Variants in CNTNAP2 observed in about 807,000 individuals in gnomAD.
CNTNAP2 encodes the protein contactin-associated protein-like 2.
CNTNAP2 carries 98 observed loss-of-function variants against 155.2 expected under a neutral mutation model. The ratio of observed to expected loss-of-function variants is 0.63; its 90% CI spans 0.54 to 0.75. CNTNAP2 has a LOEUF of 0.75. Among genes scored for constraint, CNTNAP2 ranks in the 30% least tolerant of loss-of-function variants. The probability of loss-of-function intolerance (pLI) is 0.00; values close to 1 mark genes in which losing one functional copy is unlikely to be tolerated. For synonymous variants in CNTNAP2, 651 were observed against 631.2 expected (o/e 1.03, Z -0.47); for missense variants, 1,727 against 1,688.1 (o/e 1.02, Z -0.40).
At chr7:146,698,736 C>G (rs1800825845) in intron 1 of CNTNAP2, among the ~76,000 whole-genome samples, 1 of 152,044 alleles carries the variant, frequency 6.6e-6, no homozygotes, top group Non-Finnish European at 1.5e-5. Flanking sequence ...TTCTCTCTCT[C>G]CTCCATATAT....
At chr7:146,462,194 C>T (rs1278650557) in intron 1 of CNTNAP2, among the ~76,000 whole-genome samples, 1 of 152,132 alleles carries the variant, frequency 6.6e-6, no homozygotes. Flanking sequence ...ATTAATACTT[C>T]TTGGTGTGTA....
intron 13 of CNTNAP2, among the ~76,000 whole-genome samples, chr7:147,772,145 G>A (rs1314761498): frequency 4.6e-5 from 7 of 151,684 alleles, no homozygotes; most frequent in Admixed American, 4.6e-4. Context: ...CTTGTAATTG[G>A]CCAGGCATGG....
At chr7:146,225,359 A>G (rs1799276846) in intron 1 of CNTNAP2, among the ~76,000 whole-genome samples, 1 of 152,206 alleles carries the variant, frequency 6.6e-6, no homozygotes, top group Non-Finnish European at 1.5e-5. Flanking sequence ...AGAATTTTTT[A>G]AACTGACAGG....
chr7:146,919,077 C>T (rs1365783668), intron 3 of CNTNAP2, among the ~76,000 whole-genome samples: 1 of 152,068 alleles, frequency 6.6e-6, no homozygotes, highest in Non-Finnish European at 1.5e-5. Flanking sequence ...GGAGAGTTTT[C>T]CATTAATATC....
rs1554435245 is a variant in CNTNAP2, at chr7:147,083,587, T to TATACACATATATATGTATATATATAC, written c.551-24559_551-24558insTACACATATATATGTATATATATACA. ...ATACACATATATATGTATATATATATACACACACACGTCTATAATGCTATA... is the reference window on the plus strand; with the variant it reads ...ATACACATATATATGTATATATATATATACACATATATATGTATATATATACACACACACACGTCTATAATGCTATA... On this transcript the variant is annotated intron_variant, in intron 4 of 23. Coordinates refer to ENST00000361727, the MANE Select transcript of CNTNAP2 (RefSeq NM_014141.6). 7.3e-4 allele frequency among the ~76,000 whole-genome samples: 106 copies of TATACACATATATATGTATATATATAC among 144,426 alleles called. 1 individual carries two copies. Among genetic ancestry groups the TATACACATATATATGTATATATATAC allele is most frequent in the African/African-American group, 2.5e-3 (99 of 38,852 alleles). 94.7% of individuals were successfully genotyped at this position (144,426 alleles called of 152,430 possible).
intron 11 of CNTNAP2, among the ~76,000 whole-genome samples, chr7:147,487,494 C>T (rs1221613288): frequency 6.6e-6 from 1 of 152,098 alleles, no homozygotes. Flanking sequence ...ACTCCACTAG[C>T]ATAATTTTTA....
intron 10 of CNTNAP2, among the ~76,000 whole-genome samples, chr7:147,409,750 C>T (rs1306099021): frequency 1.3e-5 from 2 of 151,128 alleles, no homozygotes; most frequent in East Asian, 3.9e-4. Flanking sequence ...CGTGAACAGA[C>T]ACTTTTCACA....
In CNTNAP2 at chr7:147,745,458, A is replaced by G. The variant is rs200624075; in HGVS notation, c.2098+106152A>G. Reference sequence around the variant, plus strand: ...ATGTTAAGAGAGAAAGCTTCAACCTACACATCCCTGTCAACCATCAACCAA... The same window carrying G: ...ATGTTAAGAGAGAAAGCTTCAACCTGCACATCCCTGTCAACCATCAACCAA... On this transcript the variant is annotated intron_variant, in intron 13 of 23. Coordinates refer to ENST00000361727, the MANE Select transcript of CNTNAP2 (RefSeq NM_014141.6). Among the ~76,000 whole-genome samples the G allele has an allele frequency of 4.6e-5, 7 of 152,340 alleles. No homozygotes were observed. In the East Asian group the frequency reaches 1.3e-3, roughly 29 times the overall value.
chr7:148,019,860 C>T (rs1441697487), intron 15 of CNTNAP2, among the ~76,000 whole-genome samples: 2 of 152,102 alleles, frequency 1.3e-5, no homozygotes, highest in Admixed American at 6.5e-5. Context: ...GATCTCAGCT[C>T]ACTGCAACCT....
intron 13 of CNTNAP2, among the ~76,000 whole-genome samples, chr7:147,657,839 A>G (rs4314574): frequency 0.12 from 18,329 of 152,224 alleles, 1,437 homozygotes; most frequent in Middle Eastern, 0.24. Context: ...GCATAGTGTA[A>G]ATGAAATATT....
At chr7:146,248,150 C>T (rs967549905) in intron 1 of CNTNAP2, among the ~76,000 whole-genome samples, 12 of 151,594 alleles carry the variant, frequency 7.9e-5, no homozygotes, top group Admixed American at 2.0e-4. Flanking sequence ...GGGATCAGGG[C>T]GCAGAGATAT....
At chr7:147,282,855 C>T (rs1161566732) in intron 8 of CNTNAP2, among the ~76,000 whole-genome samples, 1 of 151,798 alleles carries the variant, frequency 6.6e-6, no homozygotes, top group Non-Finnish European at 1.5e-5. Flanking sequence ...TTTGGCCTCC[C>T]AAAATGCTGG....
intron 1 of CNTNAP2, among the ~76,000 whole-genome samples, chr7:146,264,230 G>A (rs527883310): frequency 2.6e-5 from 4 of 152,134 alleles, no homozygotes; most frequent in Admixed American, 2.6e-4. Flanking sequence ...GATCACCTGA[G>A]GTCAGGAGTT....
At chr7:146,467,044 G>A (rs1584938702) in intron 1 of CNTNAP2, among the ~76,000 whole-genome samples, 1 of 151,978 alleles carries the variant, frequency 6.6e-6, no homozygotes, top group Non-Finnish European at 1.5e-5. Flanking sequence ...TATCATTGGG[G>A]GATTAATGGC....
intron 13 of CNTNAP2, among the ~76,000 whole-genome samples, chr7:147,839,666 C>A (rs572492565): frequency 2.0e-5 from 3 of 152,088 alleles, no homozygotes; most frequent in Admixed American, 6.5e-5. Context: ...GTGTGACAAC[C>A]AAAATGTCTC....
intron 9 of CNTNAP2, among the ~76,000 whole-genome samples, chr7:147,313,337 C>T (rs796994358): frequency 0.049 from 7,407 of 150,052 alleles, 235 homozygotes; most frequent in African/African-American, 0.09. Flanking sequence ...AGTCCTTGCC[C>T]ATGCCTATGT....
At chr7:146,745,856 T>C (rs1290488466) in intron 1 of CNTNAP2, among the ~76,000 whole-genome samples, 5 of 151,960 alleles carry the variant, frequency 3.3e-5, no homozygotes, top group African/African-American at 9.7e-5. Context: ...CTATGGCATA[T>C]GTGCAGTCTA....
At chr7:146,912,781 AT>A (rs1459867672) in intron 3 of CNTNAP2, among the ~76,000 whole-genome samples, 1 of 152,184 alleles carries the variant, frequency 6.6e-6, no homozygotes, top group African/African-American at 2.4e-5. Context: ...GGGAATGAAA[AT>A]AACATTGTTG....
intron 3 of CNTNAP2, among the ~76,000 whole-genome samples, chr7:146,912,509 A>T (rs1445493290): frequency 6.6e-6 from 1 of 152,128 alleles, no homozygotes; most frequent in Non-Finnish European, 1.5e-5. Context: ...TCAGGGTAAC[A>T]ATGTTTTAAA....
Sources: allele counts gnomAD v4.1 joint callset (sites outside exome capture counted in the v4.1 genomes callset), GRCh38; gene constraint gnomAD v4.1.1; transcripts MANE v1.5; gene names NCBI Gene and HGNC (gene_info 2026-07-23, HGNC 2026-07-21).